IL6R: variants seen among roughly 807,000 people sequenced by gnomAD.
The protein encoded by IL6R is interleukin-6 receptor subunit alpha.
Under a neutral mutation model 48.3 loss-of-function variants are expected in IL6R, and 38 were observed. That is an observed-to-expected ratio of 0.79 (90% CI 0.61 to 1.03). IL6R has a LOEUF of 1.03. IL6R is among the 50% of genes least tolerant of loss of function. IL6R has a pLI of 0.00. For synonymous variants in IL6R, 264 were observed against 256.2 expected (o/e 1.03, Z -0.29); for missense variants, 534 against 618.3 (o/e 0.86, Z 1.45).
intron 9 of IL6R, among the ~76,000 whole-genome samples, chr1:154,456,066 A>C (rs1425200769): frequency 6.6e-6 from 1 of 151,912 alleles, no homozygotes. Context: ...AAACAAAGAA[A>C]ACCAAAAAGT....
intron 6 of IL6R, among the ~76,000 whole-genome samples, chr1:154,446,787 A>G (rs1182019605): frequency 6.6e-6 from 1 of 152,150 alleles, no homozygotes; most frequent in African/African-American, 2.4e-5. Flanking sequence ...GGAAATTGAA[A>G]TAGTGCTTAT....
At chr1:154,423,283 A>ATATATATATATATATATATATG (rs1688790436) in intron 1 of IL6R, among the ~76,000 whole-genome samples, 1 of 142,184 alleles carries the variant, frequency 7.0e-6, no homozygotes, top group South Asian at 2.2e-4. Flanking sequence ...ATATATATAT[A>ATATATATATATATATATATATG]TGTATTCATT....
At chr1:154,451,484 C>T (rs1690577074) in intron 8 of IL6R, among the ~76,000 whole-genome samples, 1 of 152,136 alleles carries the variant, frequency 6.6e-6, no homozygotes, top group South Asian at 2.1e-4. Flanking sequence ...AGCCACTGCA[C>T]TCTAGCCTGG....
At position 154,465,748 on chromosome 1, in the gene IL6R, C is replaced by G. The variant is rs1023128789; in HGVS notation, c.*368C>G. 4.2e-6 allele frequency: 1 copy of G among 236,670 alleles called. No individual in the cohort carries two copies. The highest frequency in any genetic ancestry group is 8.4e-6 in the Non-Finnish European group (1 of 118,496). 14.7% of individuals were successfully genotyped at this position (236,670 alleles called of 1,614,324 possible). On this transcript the variant is annotated 3_prime_UTR_variant, in exon 10 of 10. Coordinates refer to ENST00000368485, the MANE Select transcript of IL6R (RefSeq NM_000565.4). ...CAGCCCACCCCTCAACACCTCTGCA[C>G]AAGCTGCACCCTCAGGCAGGTGGGA...
At chr1:154,434,064 T>G (rs59632925) in intron 3 of IL6R, among the ~76,000 whole-genome samples, 90,173 of 151,572 alleles carry the variant, frequency 0.59, 27,267 homozygotes, top group African/African-American at 0.67. Context: ...CACGTGTGAT[T>G]GTTCATGCCT....
chr1:154,423,101 G>T (rs1570939603), intron 1 of IL6R, among the ~76,000 whole-genome samples: 4 of 151,612 alleles, frequency 2.6e-5, no homozygotes, highest in Admixed American at 2.0e-4. Flanking sequence ...GGGCAAAGTG[G>T]CACTGTTTGG....
Position 154,405,584 on chromosome 1 carries a change from C to T in IL6R, c.-46C>T. On this transcript the variant is annotated 5_prime_UTR_variant, in exon 1 of 10. Coordinates refer to ENST00000368485, the MANE Select transcript of IL6R (RefSeq NM_000565.4). The surrounding 1 kb of genome is among the most constrained non-coding windows in gnomAD (Gnocchi z 5.2). The stretch of plus-strand genomic sequence containing the variant: ...ACCCCTGCCGCCCGGTTCCCATTAG[C>T]CTGTCCGCCTCTGCGGGACCATGGA... The T allele has an allele frequency of 2.5e-6, 3 of 1,220,882 alleles. No homozygotes were observed. Among genetic ancestry groups the T allele is most frequent in the Middle Eastern group, 3.4e-4 (1 of 2,942 alleles). 75.6% of individuals were successfully genotyped at this position (1,220,882 alleles called of 1,614,324 possible).
intron 6 of IL6R, among the ~76,000 whole-genome samples, chr1:154,441,090 A>C (rs1476202902): frequency 6.6e-6 from 1 of 152,176 alleles, no homozygotes; most frequent in Non-Finnish European, 1.5e-5. Context: ...ACCAATGACA[A>C]ATTTCCTAGT....
intron 1 of IL6R, among the ~76,000 whole-genome samples, chr1:154,410,910 G>A (rs1330684445): frequency 1.3e-5 from 2 of 152,176 alleles, no homozygotes; most frequent in Non-Finnish European, 2.9e-5. Flanking sequence ...TGTCAACTGT[G>A]TGCAAGTAGC....
intron 6 of IL6R, among the ~76,000 whole-genome samples, chr1:154,436,313 C>G (rs147934900): frequency 6.6e-6 from 1 of 152,122 alleles, no homozygotes; most frequent in African/African-American, 2.4e-5. Flanking sequence ...CCTGTCTCTA[C>G]GAAAAATACA....
intron 1 of IL6R, among the ~76,000 whole-genome samples, chr1:154,422,730 C>T (rs2149223569): frequency 6.6e-6 from 1 of 152,318 alleles, no homozygotes; most frequent in Middle Eastern, 3.4e-3. Flanking sequence ...ACCAGCCACG[C>T]CTTCGCCCCC....
At chr1:154,412,528 G>A (rs1570919079) in intron 1 of IL6R, among the ~76,000 whole-genome samples, 2 of 152,310 alleles carry the variant, frequency 1.3e-5, no homozygotes. Flanking sequence ...AAAGTGCTGG[G>A]ATTACAGACG....
At position 154,465,463 on chromosome 1, in the gene IL6R, GC is replaced by G; in HGVS notation, c.*85del. ...AGCAAAAGATGCTTCTCACTGCCATGCCAGCTTATCTCAGGGGTGTGCGGCC... is the reference window on the plus strand; with the variant it reads ...AGCAAAAGATGCTTCTCACTGCCATGCAGCTTATCTCAGGGGTGTGCGGCC... On this transcript the variant is annotated 3_prime_UTR_variant, in exon 10 of 10. Coordinates refer to ENST00000368485, the MANE Select transcript of IL6R (RefSeq NM_000565.4). 6.6e-7 allele frequency: 1 copy of G among 1,512,650 alleles called. No individual in the cohort carries two copies. The highest frequency in any genetic ancestry group is 9.1e-7 in the Non-Finnish European group (1 of 1,094,470). 93.7% of individuals were successfully genotyped at this position (1,512,650 alleles called of 1,614,324 possible). A position where few individuals can be genotyped will look rare whatever the true frequency, so the allele number is the denominator to read the frequency against.
At chr1:154,412,029 C>G (rs1259639803) in intron 1 of IL6R, among the ~76,000 whole-genome samples, 2 of 147,694 alleles carry the variant, frequency 1.4e-5, no homozygotes, top group African/African-American at 5.1e-5. Context: ...CTCACTGCAA[C>G]ATCCGCCTCC....
intron 9 of IL6R, among the ~76,000 whole-genome samples, chr1:154,458,877 G>T (rs965963690): frequency 6.7e-6 from 1 of 150,090 alleles, no homozygotes; most frequent in Non-Finnish European, 1.5e-5. Flanking sequence ...CTCCAGCCTG[G>T]GCAGCAGAAG....
chr1:154,460,428 T>C (rs35699331), intron 9 of IL6R, among the ~76,000 whole-genome samples: 101,996 of 151,714 alleles, frequency 0.67, 35,722 homozygotes, highest in East Asian at 0.83. Context: ...TCAGTTACTT[T>C]GAAAAAAAAA....
chr1:154,430,393 C>G, intron 2 of IL6R, 90 bp from the exon 3 acceptor site: 1 of 1,512,818 alleles, frequency 6.6e-7, no homozygotes, highest in Non-Finnish European at 8.9e-7. Flanking sequence ...CAGCCACGTG[C>G]TCCCCTCAAG....
chr1:154,423,955 C>T lies in IL6R; in HGVS notation c.86-5241C>T, dbSNP rs142136162. ...AGCCCCTGCTATTGTTCAGGCTGGC[C>T]GCTAAACATGGCAAGAGCTTCCCGC... On this transcript the variant is annotated intron_variant, in intron 1 of 9. Transcript: ENST00000368485. 1.4e-3 allele frequency among the ~76,000 whole-genome samples: 212 copies of T among 152,308 alleles called. 1 individual carries two copies. The highest frequency in any genetic ancestry group is 4.3e-3 in the African/African-American group (178 of 41,558).
chr1:154,450,073 G>C, intron 8 of IL6R, 93 bp downstream of exon 8: 1 of 798,724 alleles, frequency 1.3e-6, no homozygotes, highest in Non-Finnish European at 2.2e-6. Context: ...TGTCGTCAGA[G>C]GATCAATCAC....
Sources: gnomAD v4.1 joint callset for allele counts (sites outside exome capture counted in the v4.1 genomes callset) on GRCh38, gnomAD v4.1.1 for gene constraint, Gnocchi (gnomAD v3.1) non-coding constraint, MANE v1.5 for transcripts, NCBI Gene and HGNC (gene_info 2026-07-23, HGNC 2026-07-21) for gene names.